Variants in RFK observed in about 807,000 individuals in gnomAD.
The protein encoded by RFK is riboflavin kinase.
RFK carries 4 observed loss-of-function variants against 17.6 expected under a neutral mutation model. The observed-to-expected ratio is 0.23, with a 90% CI of 0.11 to 0.52. The LOEUF (loss-of-function observed/expected upper bound fraction) is 0.52. RFK is among the 20% of genes least tolerant of loss of function. The probability of loss-of-function intolerance (pLI) is 0.96; values close to 1 mark genes in which losing one functional copy is unlikely to be tolerated. For missense variants in RFK, 189 were observed against 187.7 expected, an observed-to-expected ratio of 1.01 and a Z score of -0.04; for synonymous variants, 59 against 63.8, an observed-to-expected ratio of 0.92 and a Z score of 0.36.
At chr9:76,391,975 G>T (rs984141519) in intron 2 of RFK, among the ~76,000 whole-genome samples, 12 of 151,488 alleles carry the variant, frequency 7.9e-5, no homozygotes, top group African/African-American at 2.9e-4. Flanking sequence ...AGTTCTGTAT[G>T]CTATTGAAAT....
At chr9:76,391,928 C>T (rs974155705) in intron 2 of RFK, among the ~76,000 whole-genome samples, 1 of 123,904 alleles carries the variant, frequency 8.1e-6, no homozygotes, top group Admixed American at 9.3e-5. Context: ...ATAGTGAGAC[C>T]CCATCTTTAA....
At position 76,386,700 on chromosome 9, in the gene RFK, T is replaced by C. The variant is rs183349971; in HGVS notation, c.*699A>G. 2.7e-4 allele frequency: 41 copies of C among 152,226 alleles called. No homozygotes were observed. Among genetic ancestry groups the C allele is most frequent in the African/African-American group, 9.9e-4 (41 of 41,550 alleles). 9.4% of individuals were successfully genotyped at this position (152,226 alleles called of 1,614,324 possible). On this transcript the variant is annotated 3_prime_UTR_variant, in exon 4 of 4. Coordinates refer to ENST00000376736, the MANE Select transcript of RFK (RefSeq NM_018339.6). ...TCAGAATTGAAGCAGCTCTATACAATAATGAAGGTGGTACAATGATGTGAC... is the reference window on the plus strand; with the variant it reads ...TCAGAATTGAAGCAGCTCTATACAACAATGAAGGTGGTACAATGATGTGAC...
chr9:76,392,702 G>T, intron 1 of RFK, 133 bp from the exon 2 acceptor site: 1 of 795,758 alleles, frequency 1.3e-6, no homozygotes, highest in Non-Finnish European at 2.0e-6. Context: ...GAGCTCTGGG[G>T]TTTGAGACCG....
rs1235938621 is a variant in RFK at position 76,385,908 on chromosome 9, A to AAAAAGC, written c.*1485_*1490dup. On this transcript the variant is annotated 3_prime_UTR_variant, in exon 4 of 4. Transcript: ENST00000376736. Reference sequence around the variant, plus strand: ...TTTTGACATATTTTTATAAAGAAATAAAAAGCAAAACGCAATCCAACTATT... The same window carrying AAAAAGC: ...TTTTGACATATTTTTATAAAGAAATAAAAAGCAAAAGCAAAACGCAATCCAACTATT... The AAAAAGC allele has an allele frequency of 6.6e-6, 1 of 152,246 alleles. No individual in the cohort carries two copies. The highest frequency in any genetic ancestry group is 6.5e-5 in the Admixed American group (1 of 15,284). 9.4% of individuals were successfully genotyped at this position (152,246 alleles called of 1,614,324 possible).
intron 3 of RFK, chr9:76,388,234 C>A (rs1335455869): frequency 4.0e-6 from 2 of 496,394 alleles, no homozygotes; most frequent in Non-Finnish European, 7.9e-6. Context: ...AAACTTCACA[C>A]ATTTTGAAAG....
chr9:76,391,495 CTG>C (rs1009062305), intron 2 of RFK, among the ~76,000 whole-genome samples: 2 of 152,194 alleles, frequency 1.3e-5, no homozygotes, highest in African/African-American at 4.8e-5. Context: ...ATGTAGTAAA[CTG>C]TTTTATCTTA....
rs1822723114 is a variant in RFK at position 76,385,944 on chromosome 9, C to T, written c.*1455G>A. On this transcript the variant is annotated 3_prime_UTR_variant, in exon 4 of 4. Transcript: ENST00000376736. ...CGCAATCCAACTATTTATATGAGTCCCTCTTCTCCAACAGCTTTAGATGTT... is the reference window on the plus strand; with the variant it reads ...CGCAATCCAACTATTTATATGAGTCTCTCTTCTCCAACAGCTTTAGATGTT... 1 of 151,912 alleles carries T rather than the reference C, an allele frequency of 6.6e-6. No homozygotes were observed. The highest frequency in any genetic ancestry group is 1.5e-5 in the Non-Finnish European group (1 of 67,974). 9.4% of individuals were successfully genotyped at this position (151,912 alleles called of 1,614,324 possible). A position where few individuals can be genotyped will look rare whatever the true frequency, so the allele number is the denominator to read the frequency against.
intron 1 of RFK, 61 bp from the exon 2 acceptor site, chr9:76,392,630 A>C (rs1822832907): frequency 2.1e-5 from 32 of 1,518,852 alleles, no homozygotes; most frequent in Non-Finnish European, 2.7e-5. Context: ...CCTGTAGCCG[A>C]GTGCAGTGGC....
In RFK at chr9:76,394,348, C is replaced by A; in HGVS notation, c.-177G>T. 1.8e-6 allele frequency: 1 copy of A among 543,994 alleles called. No individual in the cohort carries two copies. Among genetic ancestry groups the A allele is most frequent in the Non-Finnish European group, 3.1e-6 (1 of 321,408 alleles). The allele number at this position is 543,994 out of a possible 1,614,324, so 33.7% of individuals were successfully genotyped here. On this transcript the variant is annotated 5_prime_UTR_variant, in exon 1 of 4. Transcript: ENST00000376736. ...CACAGGCCACTGCGAATCCCTGACG[C>A]CGCCGACCCAACAAATACCGCCGGG... is the stretch of plus-strand genomic sequence containing the variant.
At position 76,386,361 on chromosome 9, in the gene RFK, T is replaced by G. The variant is rs551320448; in HGVS notation, c.*1038A>C. On this transcript the variant is annotated 3_prime_UTR_variant, in exon 4 of 4. Transcript: ENST00000376736. The stretch of plus-strand genomic sequence containing the variant: ...TCAAGGCCTTAAATATTAAAAATAA[T>G]TTTATAACTATTTCATAGTTTAATT... 3.0e-4 allele frequency: 45 copies of G among 152,294 alleles called. No individual in the cohort carries two copies. Among genetic ancestry groups the G allele is most frequent in the African/African-American group, 1.1e-3 (44 of 41,570 alleles). 9.4% of individuals were successfully genotyped at this position (152,294 alleles called of 1,614,324 possible).
chr9:76,392,953 T>C (rs970922688), intron 1 of RFK, among the ~76,000 whole-genome samples: 2 of 152,224 alleles, frequency 1.3e-5, no homozygotes, highest in African/African-American at 2.4e-5. Context: ...GCAAGGCTAA[T>C]GTAAATCATT....
chr9:76,388,682 G>C (rs766191406), intron 2 of RFK, 26 bp from the exon 3 acceptor site: 1 of 1,366,208 alleles, frequency 7.3e-7, no homozygotes, highest in Non-Finnish European at 1.0e-6. Context: ...GTTACAAAGA[G>C]TGCTATCAGA....
intron 2 of RFK, among the ~76,000 whole-genome samples, chr9:76,391,961 T>C (rs1439007864): frequency 3.3e-5 from 5 of 152,002 alleles, no homozygotes; most frequent in African/African-American, 1.2e-4. Context: ...AGATGCAATT[T>C]CTGAGTTCTG....
chr9:76,387,815 CATGGTGA>C, intron 3 of RFK: 1 of 265,754 alleles, frequency 3.8e-6, no homozygotes, highest in East Asian at 8.6e-5. Context: ...GCCTGGCCAG[CATGGTGA>C]AACCTGACTC....
chr9:76,392,590 T>C (rs1426574396), intron 1 of RFK, 21 bp from the exon 2 acceptor site: 1 of 1,613,234 alleles, frequency 6.2e-7, no homozygotes, highest in Non-Finnish European at 8.5e-7. Flanking sequence ...GAAGAAAATA[T>C]TTTGAGTCTT....
Position 76,394,139 on chromosome 9 carries a change from T to C in RFK, c.33A>G (p.Gln11=), listed in dbSNP as rs1587393480. The C allele has an allele frequency of 9.3e-6, 15 of 1,609,768 alleles. No homozygotes were observed. The highest frequency in any genetic ancestry group is 4.0e-5 in the African/African-American group (3 of 74,994). ...AGCCGCGGCCGAAGCCCCGCACCAC[T>C]TGACCCCGGCAGAAGTAAGGCAGGT... is the stretch of plus-strand genomic sequence containing the variant. MRHLPYFCRG[Q]VVRGFGRGSK... Residue 11 remains glutamine, a synonymous_variant, in exon 1 of 4, where the codon CAA becomes CAG. Transcript: ENST00000376736.
At chr9:76,391,710 T>C (rs1311295060) in intron 2 of RFK, among the ~76,000 whole-genome samples, 1 of 152,180 alleles carries the variant, frequency 6.6e-6, no homozygotes, top group Non-Finnish European at 1.5e-5. Flanking sequence ...ATTTAAAAAA[T>C]AAATGCATAA....
Position 76,387,432 on chromosome 9 carries a change from C to T in RFK, c.435G>A (p.Gln145=). The T allele has an allele frequency of 3.1e-6, 5 of 1,610,404 alleles. No individual in the cohort carries two copies. In the South Asian group the frequency reaches 5.5e-5, roughly 18 times the overall value. ...HLKIKEDNFF[Q]VSKSKIMNGH is the part of the protein sequence containing the mutation. ...CATTCATTATTTTGCTTTTAGAAACCTGGAAGAAATTGTCTTCTTTGATTT... is the reference window on the plus strand; with the variant it reads ...CATTCATTATTTTGCTTTTAGAAACTTGGAAGAAATTGTCTTCTTTGATTT... Residue 145 remains glutamine (Q), a synonymous_variant, in exon 4 of 4, where the codon CAG becomes CAA. Transcript: ENST00000376736.
Position 76,392,436 on chromosome 9 carries a change from C to A in RFK, c.216G>T (p.Lys72Asn). 1.9e-6 allele frequency: 3 copies of A among 1,614,140 alleles called. No homozygotes were observed. The highest frequency in any genetic ancestry group is 2.5e-6 in the Non-Finnish European group (3 of 1,180,022). ...VVSIGWNPYY[K>N]NTKKSMETHI... ...TGCTTACCATAGACTTCTTCGTATTCTTGTAATATGGGTTCCATCCTATGC... is the reference window on the plus strand; with the variant it reads ...TGCTTACCATAGACTTCTTCGTATTATTGTAATATGGGTTCCATCCTATGC... Residue 72 changes from lysine to asparagine, a missense_variant, in exon 2 of 4, where the codon AAG (lysine) becomes AAT (asparagine). Physicochemically the swap from Lys to Asn is moderately conservative, Grantham distance 94. This residue lies in a region of RFK where 4 missense variants were observed against 16.6 expected (regional missense o/e 0.24). Transcript: ENST00000376736.
Sources: allele counts gnomAD v4.1 joint callset (sites outside exome capture counted in the v4.1 genomes callset), GRCh38; gene constraint gnomAD v4.1.1; regional missense constraint gnomAD v4.1.1; transcripts MANE v1.5; gene names NCBI Gene and HGNC (gene_info 2026-07-23, HGNC 2026-07-21).